The following NAA16 variants were observed in gnomAD, a reference collection of about 807,000 sequenced individuals.
NAA16 encodes the protein N-alpha-acetyltransferase 16, NatA auxiliary subunit, also known as NARG1-like protein.
Under a neutral mutation model 110.3 loss-of-function variants are expected in NAA16, and 97 were observed. The ratio of observed to expected loss-of-function variants is 0.88; its 90% CI spans 0.75 to 1.04. The LOEUF (loss-of-function observed/expected upper bound fraction) is 1.04. Among genes scored for constraint, NAA16 ranks in the 50% least tolerant of loss-of-function variants. NAA16 has a pLI of 0.00. For missense variants in NAA16, 1,017 were observed against 1,005.1 expected (o/e 1.01, Z -0.16); for synonymous variants, 372 against 330.6 (o/e 1.13, Z -1.36).
intron 13 of NAA16, among the ~76,000 whole-genome samples, chr13:41,365,261 G>C (rs958478242): frequency 1.3e-5 from 2 of 152,088 alleles, no homozygotes; most frequent in African/African-American, 4.8e-5. Context: ...GTGTTTCTTA[G>C]GGTAGTGGTT....
chr13:41,372,347 ATTATAT>A, intron 16 of NAA16, 36 bp downstream of exon 16: 1 of 1,550,882 alleles, frequency 6.4e-7, no homozygotes, highest in African/African-American at 1.4e-5. Context: ...TTAATCTTTA[ATTATAT>A]TTGTGACCAT....
chr13:41,323,400 G>C (rs1223193926), intron 5 of NAA16, among the ~76,000 whole-genome samples: 1 of 150,716 alleles, frequency 6.6e-6, no homozygotes, highest in Non-Finnish European at 1.5e-5. Flanking sequence ...CCCCAGGCTG[G>C]AGTGCAGTGG....
At chr13:41,351,606 C>T (rs998120075) in intron 9 of NAA16, among the ~76,000 whole-genome samples, 8 of 152,172 alleles carry the variant, frequency 5.3e-5, no homozygotes, top group African/African-American at 1.9e-4. Flanking sequence ...AAAAGCTGGT[C>T]ACCAAGGACA....
intron 8 of NAA16, among the ~76,000 whole-genome samples, chr13:41,336,267 T>C (rs1392696721): frequency 6.6e-6 from 1 of 152,030 alleles, no homozygotes; most frequent in Non-Finnish European, 1.5e-5. Flanking sequence ...GTGGAATGAA[T>C]GAATGAATGA....
At position 41,325,817 on chromosome 13, in the gene NAA16, A is replaced by T; in HGVS notation, c.657A>T (p.Gln219His). 6.2e-7 allele frequency: 1 copy of T among 1,608,012 alleles called. No individual in the cohort carries two copies. The highest frequency in any genetic ancestry group is 8.5e-7 in the Non-Finnish European group (1 of 1,177,424). ...AACATATAGAAATGTATGAGAAACA[A>T]ATATGTGATAAACTTTTGGTGGAAG... ...SLEHIEMYEK[Q>H]ICDKLLVEEI... is the part of the protein sequence containing the mutation. The change falls in exon 6 of 20, where the codon CAA (glutamine) becomes CAT (histidine). Residue 219 changes from glutamine (Q) to histidine (H), a missense_variant. Gln to His is a conservative substitution (Grantham distance 24). Transcript: ENST00000379406.
At chr13:41,324,205 A>C (rs2042024085) in intron 5 of NAA16, among the ~76,000 whole-genome samples, 1 of 152,034 alleles carries the variant, frequency 6.6e-6, no homozygotes, top group African/African-American at 2.4e-5. Flanking sequence ...CACACCAGAG[A>C]ATTGATTAGA....
chr13:41,311,624 G>A (rs1330657981), intron 1 of NAA16, 42 bp downstream of exon 1: 1 of 1,577,160 alleles, frequency 6.3e-7, no homozygotes, highest in Non-Finnish European at 8.6e-7. Flanking sequence ...CGGTCCCCGG[G>A]TCCTCGGGCC....
At chr13:41,311,723 A>AAAGTGGGGT in intron 1 of NAA16, 141 bp downstream of exon 1, 1 of 759,472 alleles carries the variant, frequency 1.3e-6, no homozygotes, top group Non-Finnish European at 2.1e-6. Flanking sequence ...AGGTCGCGGG[A>AAAGTGGGGT]CCCCACTTTC....
chr13:41,328,206 C>T (rs2042143406), intron 6 of NAA16, among the ~76,000 whole-genome samples: 1 of 152,070 alleles, frequency 6.6e-6, no homozygotes, highest in African/African-American at 2.4e-5. Flanking sequence ...CTGACCTGTA[C>T]ATGAACATGG....
chr13:41,369,015 A>C (rs528826020), intron 14 of NAA16, 75 bp from the exon 15 acceptor site: 1 of 1,279,590 alleles, frequency 7.8e-7, no homozygotes, highest in East Asian at 2.4e-5. Flanking sequence ...AACCATACTA[A>C]CAGTATGTAT....
In NAA16 at chr13:41,369,301, A is replaced by G. The variant is rs375113053; in HGVS notation, c.1947+18A>G. ...TAGAAAGGGTGAGATGGGTTTTACT[A>G]TCTTTGTTATTTGGTAAAATTTATG... On this transcript the variant is annotated intron_variant, in intron 15 of 19. Coordinates refer to ENST00000379406, the MANE Select transcript of NAA16 (RefSeq NM_024561.5). 104 of 1,514,780 alleles carry G rather than the reference A, an allele frequency of 6.9e-5. 1 individual carries two copies. The East Asian group carries it at 1.4e-3, about 21-fold the overall frequency. The allele number at this position is 1,514,780 out of a possible 1,614,324, so 93.8% of individuals were successfully genotyped here.
rs756708542 is a variant in NAA16, at chr13:41,367,586, G to A, written c.1687G>A (p.Glu563Lys). 6.2e-7 allele frequency: 1 copy of A among 1,613,050 alleles called. No homozygotes were observed. The highest frequency in any genetic ancestry group is 1.1e-5 in the South Asian group (1 of 91,034). The change falls in exon 14 of 20, where the codon GAA becomes AAA. Residue 563 changes from glutamate to lysine, a missense_variant. Glu to Lys is a moderately conservative substitution (Grantham distance 56). Coordinates refer to ENST00000379406, the MANE Select transcript of NAA16 (RefSeq NM_024561.5). Reference sequence around the variant, plus strand: ...TTTCAAGGCTGCTAGATCAGCGATTGAAATATACTTGAAATTGTATGATAA... The same window carrying A: ...TTTCAAGGCTGCTAGATCAGCGATTAAAATATACTTGAAATTGTATGATAA... ...FYFKAARSAI[E>K]IYLKLYDNPL...
chr13:41,328,795 G>C lies in NAA16; in HGVS notation c.763G>C (p.Ala255Pro), dbSNP rs984242013. Reference sequence around the variant, plus strand: ...GTTCAAAAACTTGATTGATCGAAATGCAGAAAATTGGTGTTATTATGAAGG... The same window carrying C: ...GTTCAAAAACTTGATTGATCGAAATCCAGAAAATTGGTGTTATTATGAAGG... ...EVFKNLIDRN[A>P]ENWCYYEGLE... Residue 255 changes from alanine (A) to proline (P), a missense_variant, in exon 7 of 20, where the codon GCA (alanine) becomes CCA (proline). Ala to Pro is a conservative substitution (Grantham distance 27). Transcript: ENST00000379406. The C allele has an allele frequency of 1.9e-6, 3 of 1,606,450 alleles. No homozygotes were observed. In the African/African-American group the frequency reaches 4.0e-5, roughly 21 times the overall value.
intron 5 of NAA16, among the ~76,000 whole-genome samples, chr13:41,324,771 AC>A (rs759455686): frequency 5.2e-4 from 79 of 150,626 alleles, no homozygotes; most frequent in Non-Finnish European, 1.1e-3. Flanking sequence ...ACAGTCTTGA[AC>A]TCTTAGGCTA....
At position 41,362,086 on chromosome 13, in the gene NAA16, CAG is replaced by C. The variant is rs1251442338; in HGVS notation, c.1468_1469del (p.Glu490MetfsTer20). 6.2e-7 allele frequency: 1 copy of C among 1,609,948 alleles called. No homozygotes were observed. Among genetic ancestry groups the C allele is most frequent in the East Asian group, 2.2e-5 (1 of 44,608 alleles). On this transcript the variant is annotated frameshift_variant, in exon 13 of 20. Transcript: ENST00000379406. LOFTEE classifies it high-confidence loss of function. ...GAAATGCAGTGTATGTGGTTTCAGA[CAG>C]AATGCATTTCAGCTTATCAGCGTCT...
At chr13:41,326,924 C>T (rs1212741258) in intron 6 of NAA16, among the ~76,000 whole-genome samples, 1 of 152,146 alleles carries the variant, frequency 6.6e-6, no homozygotes, top group Non-Finnish European at 1.5e-5. Flanking sequence ...TTTCACCTTT[C>T]CATCCCTCAC....
At position 41,320,702 on chromosome 13, in the gene NAA16, A is replaced by G; in HGVS notation, c.280A>G (p.Lys94Glu). The G allele has an allele frequency of 6.2e-7, 1 of 1,611,772 alleles. No individual in the cohort carries two copies. Among genetic ancestry groups the G allele is most frequent in the South Asian group, 1.1e-5 (1 of 90,602 alleles). The stretch of plus-strand genomic sequence containing the variant: ...ATATGGACTCTTGCAGCGTTCTGAT[A>G]AAAAATATGATGAAGCTATAAAATG... ...HVYGLLQRSD[K>E]KYDEAIKCYR... The change falls in exon 4 of 20, where the codon AAA (lysine) becomes GAA (glutamate). Residue 94 changes from lysine to glutamate, a missense_variant. Transcript: ENST00000379406.
intron 9 of NAA16, among the ~76,000 whole-genome samples, chr13:41,348,342 A>AT (rs1305414585): frequency 2.0e-5 from 3 of 151,814 alleles, no homozygotes; most frequent in Admixed American, 1.3e-4. Context: ...CAGTTCTTCT[A>AT]TTTTTTAGTA....
rs771783762 is a variant in NAA16, at chr13:41,325,798, T to C, written c.638T>C (p.Ile213Thr). 25 of 1,610,140 alleles carry C rather than the reference T, an allele frequency of 1.6e-5. No homozygotes were observed. Among genetic ancestry groups the C allele is most frequent in the Middle Eastern group, 1.6e-4 (1 of 6,070 alleles). Reference protein sequence around the residue: ...ADLLQESLEHIEMYEKQICDK... With the variant: ...ADLLQESLEHTEMYEKQICDK... Reference sequence around the variant, plus strand: ...CTGTTGCAGGAATCTTTGGAACATATAGAAATGTATGAGAAACAAATATGT... The same window carrying C: ...CTGTTGCAGGAATCTTTGGAACATACAGAAATGTATGAGAAACAAATATGT... Residue 213 changes from isoleucine to threonine, a missense_variant, in exon 6 of 20, where the codon ATA becomes ACA. Ile to Thr is a moderately conservative substitution (Grantham distance 89). Coordinates refer to ENST00000379406, the MANE Select transcript of NAA16 (RefSeq NM_024561.5).
Sources: allele counts gnomAD v4.1 joint callset (sites outside exome capture counted in the v4.1 genomes callset), GRCh38; gene constraint gnomAD v4.1.1; transcripts MANE v1.5; gene names NCBI Gene and HGNC (gene_info 2026-07-23, HGNC 2026-07-21).